Variants in GLIS1 observed in about 807,000 individuals in gnomAD.
The protein encoded by GLIS1 is GLIS family zinc finger 1, also known as zinc finger protein GLIS1.
Under a neutral mutation model 63.8 loss-of-function variants are expected in GLIS1, and 24 were observed. The observed-to-expected ratio is 0.38, with a 90% CI of 0.27 to 0.53. The LOEUF (loss-of-function observed/expected upper bound fraction) is 0.53. GLIS1 is among the 20% of genes least tolerant of loss of function. The pLI, the probability that GLIS1 is intolerant of heterozygous loss-of-function variation, is 0.85. For synonymous variants in GLIS1, 450 were observed against 482.5 expected (o/e 0.93, Z 0.88); for missense variants, 1,036 against 1,074.1 (o/e 0.96, Z 0.50).
At chr1:53,686,048 G>T (rs2100443187) in intron 2 of GLIS1, among the ~76,000 whole-genome samples, 1 of 152,140 alleles carries the variant, frequency 6.6e-6, no homozygotes, top group Admixed American at 6.5e-5. Context: ...GCTGCTCACT[G>T]GCCCCTCTCC....
intron 2 of GLIS1, among the ~76,000 whole-genome samples, chr1:53,678,422 C>G (rs749041290): frequency 6.6e-6 from 1 of 151,438 alleles, no homozygotes; most frequent in Non-Finnish European, 1.5e-5. Context: ...AACTGAGGCT[C>G]AGAGAGGTTA....
At chr1:53,581,152 T>C (rs949205961) in intron 4 of GLIS1, among the ~76,000 whole-genome samples, 3 of 152,186 alleles carry the variant, frequency 2.0e-5, no homozygotes, top group African/African-American at 7.2e-5. Flanking sequence ...GCCTCTCCTG[T>C]AACCTGATAA....
chr1:53,585,392 G>A (rs960210707), intron 4 of GLIS1, among the ~76,000 whole-genome samples: 1 of 152,102 alleles, frequency 6.6e-6, no homozygotes, highest in Non-Finnish European at 1.5e-5. Flanking sequence ...AGGTCTCACA[G>A]CTGGTTAAGG....
At chr1:53,720,048 C>A (rs111434267) in intron 2 of GLIS1, among the ~76,000 whole-genome samples, 6 of 152,028 alleles carry the variant, frequency 3.9e-5, no homozygotes, top group Non-Finnish European at 8.8e-5. Context: ...TGGTGGCATG[C>A]GCCTGTAATC....
At chr1:53,614,785 C>T (rs1569922311) in intron 2 of GLIS1, among the ~76,000 whole-genome samples, 1 of 142,286 alleles carries the variant, frequency 7.0e-6, no homozygotes, top group African/African-American at 2.6e-5. Flanking sequence ...GAATTGTTCT[C>T]TCACACGCAC....
intron 2 of GLIS1, among the ~76,000 whole-genome samples, chr1:53,622,716 A>G (rs1645558662): frequency 6.6e-6 from 1 of 152,182 alleles, no homozygotes; most frequent in Admixed American, 6.5e-5. Context: ...GCCAACAGCC[A>G]CCAGAGGCCC....
Position 53,525,923 on chromosome 1 carries a change from C to T in GLIS1, c.1483-1036G>A, listed in dbSNP as rs77302850. ...AGTGTCCCTCTTCTCAGCCAGGGAG[C>T]GACTTGTCTGATTCATCCTAGGTCT... On this transcript the variant is annotated intron_variant, in intron 5 of 10. Transcript: ENST00000628545. 2.8e-3 allele frequency among the ~76,000 whole-genome samples: 421 copies of T among 152,242 alleles called. 4 individuals carry two copies. Among genetic ancestry groups the T allele is most frequent in the African/African-American group, 9.9e-3 (410 of 41,530 alleles).
intron 4 of GLIS1, among the ~76,000 whole-genome samples, chr1:53,553,158 C>T (rs562552401): frequency 1.3e-5 from 2 of 151,934 alleles, no homozygotes; most frequent in South Asian, 4.2e-4. Flanking sequence ...TCAGCCTTGG[C>T]GAGCACACAT....
intron 2 of GLIS1, among the ~76,000 whole-genome samples, chr1:53,690,220 G>T (rs563006350): frequency 6.6e-6 from 1 of 152,210 alleles, no homozygotes; most frequent in African/African-American, 2.4e-5. Context: ...GAGCCTCACC[G>T]CCCAGCAACG....
At chr1:53,546,523 G>A (rs1377642492) in intron 4 of GLIS1, among the ~76,000 whole-genome samples, 1 of 152,196 alleles carries the variant, frequency 6.6e-6, no homozygotes, top group African/African-American at 2.4e-5. Context: ...GGTCCTGGAG[G>A]TGTCTTCTGG....
chr1:53,672,767 C>T (rs1646166304), intron 2 of GLIS1, among the ~76,000 whole-genome samples: 1 of 152,224 alleles, frequency 6.6e-6, no homozygotes, highest in African/African-American at 2.4e-5. Context: ...TCTCCCCTTC[C>T]CGACACAAAC....
At position 53,677,092 on chromosome 1, in the gene GLIS1, C is replaced by T. The variant is rs540631657; in HGVS notation, c.259+60714G>A. Among the ~76,000 whole-genome samples the T allele has an allele frequency of 7.0e-4, 107 of 152,330 alleles. 1 individual carries two copies. The South Asian group carries it at 0.021, about 30-fold the overall frequency. On this transcript the variant is annotated intron_variant, in intron 2 of 10. Coordinates refer to ENST00000628545, the MANE Select transcript of GLIS1 (RefSeq NM_001367484.1). ...AAGCCCAAGCTCTCCTTCCCCTGTC[C>T]CGCTACCCTTGAGGATGACGCCGGC...
At chr1:53,540,909 G>A (rs1380857681) in intron 4 of GLIS1, among the ~76,000 whole-genome samples, 1 of 152,250 alleles carries the variant, frequency 6.6e-6, no homozygotes, top group Non-Finnish European at 1.5e-5. Context: ...ACGTACCACA[G>A]GCAAAGCTCC....
At chr1:53,663,615 C>T (rs2100369381) in intron 2 of GLIS1, among the ~76,000 whole-genome samples, 1 of 152,360 alleles carries the variant, frequency 6.6e-6, no homozygotes, top group South Asian at 2.1e-4. Flanking sequence ...ACAGCTCCCT[C>T]ACCTGTCCTG....
chr1:53,709,359 C>T (rs1052159669), intron 2 of GLIS1, among the ~76,000 whole-genome samples: 1 of 121,920 alleles, frequency 8.2e-6, no homozygotes, highest in Non-Finnish European at 1.6e-5. Flanking sequence ...CATATATATA[C>T]ATATACATAT....
Position 53,536,862 on chromosome 1 carries a change from G to T in GLIS1, c.1321-6910C>A, listed in dbSNP as rs1238509433. ...TCCATGCAGAAAGGAAAACCAGGTG[G>T]CACAGTGGAGAAGAAAGTACCAGCT... On this transcript the variant is annotated intron_variant, in intron 4 of 10. Coordinates refer to ENST00000628545, the MANE Select transcript of GLIS1 (RefSeq NM_001367484.1). Among the ~76,000 whole-genome samples the T allele has an allele frequency of 2.0e-5, 3 of 151,720 alleles. No individual in the cohort carries two copies. In the East Asian group the frequency reaches 5.8e-4, roughly 29 times the overall value.
intron 6 of GLIS1, among the ~76,000 whole-genome samples, chr1:53,523,772 C>A (rs1247342965): frequency 1.3e-5 from 2 of 152,178 alleles, no homozygotes; most frequent in Non-Finnish European, 2.9e-5. Context: ...AACAGCATCC[C>A]CAACCCATTT....
chr1:53,618,277 T>A (rs994269029), intron 2 of GLIS1, among the ~76,000 whole-genome samples: 2 of 152,186 alleles, frequency 1.3e-5, no homozygotes, highest in African/African-American at 4.8e-5. Context: ...CAGAAATGAA[T>A]ACACCAGGTG....
intron 4 of GLIS1, among the ~76,000 whole-genome samples, chr1:53,581,998 G>A (rs1158836440): frequency 6.6e-6 from 1 of 152,176 alleles, no homozygotes; most frequent in Non-Finnish European, 1.5e-5. Flanking sequence ...GACTCAGAGG[G>A]GTGGGATGAC....
Sources: gnomAD v4.1 joint callset for allele counts (sites outside exome capture counted in the v4.1 genomes callset) on GRCh38, gnomAD v4.1.1 for gene constraint, MANE v1.5 for transcripts, NCBI Gene and HGNC (gene_info 2026-07-23, HGNC 2026-07-21) for gene names.